The following FAM178B variants were observed in gnomAD, a reference collection of about 807,000 sequenced individuals.
FAM178B encodes the protein protein FAM178B.
A neutral mutation model predicts 91.7 loss-of-function variants in FAM178B; 82 were observed. The observed-to-expected ratio is 0.89, with a 90% CI of 0.75 to 1.07. FAM178B has a LOEUF of 1.07. Among genes scored for constraint, FAM178B ranks in the 50% least tolerant of loss-of-function variants. The probability of loss-of-function intolerance (pLI) is 0.00; values close to 1 mark genes in which losing one functional copy is unlikely to be tolerated. For missense variants in FAM178B, 769 were observed against 846.7 expected, an observed-to-expected ratio of 0.91 and a Z score of 1.14; for synonymous variants, 368 against 359.4, an observed-to-expected ratio of 1.02 and a Z score of -0.27.
intron 8 of FAM178B, chr2:96,939,194 C>A (rs1477106411): frequency 6.6e-6 from 1 of 151,412 alleles, no homozygotes; most frequent in Non-Finnish European, 1.5e-5. Context: ...CAGAGTGAGA[C>A]TCTGTCTCAA....
At chr2:96,936,049 T>C (rs1264494347) in intron 8 of FAM178B, among the ~76,000 whole-genome samples, 5 of 151,996 alleles carry the variant, frequency 3.3e-5, no homozygotes, top group African/African-American at 4.8e-5. Flanking sequence ...ATGTAAATAA[T>C]AGAGGAAACT....
intron 8 of FAM178B, among the ~76,000 whole-genome samples, chr2:96,946,530 T>A (rs1007581430): frequency 6.6e-6 from 1 of 152,208 alleles, no homozygotes; most frequent in Non-Finnish European, 1.5e-5. Context: ...GGCTGGGCTC[T>A]CAGGTAGTGG....
Position 96,929,183 on chromosome 2 carries a change from A to G in FAM178B, c.1193+23T>C, listed in dbSNP as rs1195817941. On this transcript the variant is annotated intron_variant, in intron 9 of 16. Coordinates refer to ENST00000490605, the MANE Select transcript of FAM178B (RefSeq NM_001122646.3). ...CTTAAAAAATATGAAAGAAAAAGGC[A>G]GTGAGGAAGCAGAAGTACTCACCTG... The G allele has an allele frequency of 1.7e-5, 25 of 1,453,952 alleles. No homozygotes were observed. The East Asian group carries it at 5.4e-4, about 32-fold the overall frequency. 90.1% of individuals were successfully genotyped at this position (1,453,952 alleles called of 1,614,324 possible).
At position 96,972,324 on chromosome 2, in the gene FAM178B, T is replaced by C; in HGVS notation, c.143-2A>G. 1 of 1,467,930 alleles carries C rather than the reference T, an allele frequency of 6.8e-7. No homozygotes were observed. Among genetic ancestry groups the C allele is most frequent in the Non-Finnish European group, 9.0e-7 (1 of 1,107,338 alleles). The allele number at this position is 1,467,930 out of a possible 1,614,324, so 90.9% of individuals were successfully genotyped here. On this transcript the variant is annotated splice_acceptor_variant, in intron 2 of 16. Coordinates refer to ENST00000490605, the MANE Select transcript of FAM178B (RefSeq NM_001122646.3). LOFTEE classifies it high-confidence loss of function. ...GCACGGTGGCGGCAGCCTGCACCCC[T>C]GCAGACAGGACAGAATACTGTGGTC...
At chr2:96,967,909 G>GTATTTTTTTT in intron 4 of FAM178B, among the ~76,000 whole-genome samples, 1 of 40,254 alleles carries the variant, frequency 2.5e-5, no homozygotes, top group Non-Finnish European at 1.0e-4. Flanking sequence ...ACCCTGTTTG[G>GTATTTTTTTT]TCTTTTTTTT....
chr2:96,926,542 C>T (rs2081442235), intron 9 of FAM178B, among the ~76,000 whole-genome samples: 1 of 152,160 alleles, frequency 6.6e-6, no homozygotes, highest in South Asian at 2.1e-4. Context: ...GGGCATGAGC[C>T]CCTCTGAGGA....
intron 13 of FAM178B, chr2:96,897,856 C>T: frequency 1.5e-6 from 1 of 650,034 alleles, no homozygotes; most frequent in Non-Finnish European, 1.9e-6. Flanking sequence ...CACTTCTGCG[C>T]AGAAGTCAAA....
At chr2:96,962,931 T>A (rs545106349) in intron 5 of FAM178B, among the ~76,000 whole-genome samples, 2 of 152,318 alleles carry the variant, frequency 1.3e-5, no homozygotes, top group South Asian at 4.1e-4. Context: ...AAGAGGCTGC[T>A]GGCTTTGTAC....
intron 6 of FAM178B, among the ~76,000 whole-genome samples, chr2:96,957,228 T>C (rs2082011972): frequency 6.6e-6 from 1 of 152,186 alleles, no homozygotes; most frequent in African/African-American, 2.4e-5. Context: ...AGGTTATTAT[T>C]GAATGACTGA....
chr2:96,935,790 C>T (rs927415053), intron 8 of FAM178B, among the ~76,000 whole-genome samples: 6 of 151,490 alleles, frequency 4.0e-5, no homozygotes, highest in South Asian at 4.1e-4. Context: ...TGCACCACCA[C>T]GCCTGGATAA....
chr2:96,955,940 C>T (rs2153374036), intron 6 of FAM178B, among the ~76,000 whole-genome samples: 1 of 152,340 alleles, frequency 6.6e-6, no homozygotes, highest in East Asian at 1.9e-4. Context: ...TGAGCCTCAT[C>T]CACCTCCTTC....
chr2:96,961,213 G>T (rs2082076022), intron 5 of FAM178B, among the ~76,000 whole-genome samples: 1 of 152,210 alleles, frequency 6.6e-6, no homozygotes, highest in South Asian at 2.1e-4. Flanking sequence ...GGGGAAAAGG[G>T]AGGCAGCGAA....
chr2:96,904,920 C>T (rs558046233), intron 12 of FAM178B, among the ~76,000 whole-genome samples: 3 of 152,018 alleles, frequency 2.0e-5, no homozygotes, highest in Admixed American at 1.3e-4. Flanking sequence ...CCTGCCATTA[C>T]GCCCAGCTAA....
chr2:96,917,888 T>C (rs2153370559), intron 12 of FAM178B, among the ~76,000 whole-genome samples: 1 of 152,194 alleles, frequency 6.6e-6, no homozygotes, highest in East Asian at 1.9e-4. Flanking sequence ...AAAATTGACG[T>C]TGGGTCCCCA....
rs766592912 is a variant in FAM178B at position 96,878,025 on chromosome 2, C to T, written c.1872G>A (p.Leu624=). 16 of 1,610,568 alleles carry T rather than the reference C, an allele frequency of 9.9e-6. No individual in the cohort carries two copies. Among genetic ancestry groups the T allele is most frequent in the Non-Finnish European group, 1.3e-5 (15 of 1,180,018 alleles). The change falls in exon 16 of 17, where the codon CTG becomes CTA. Residue 624 remains leucine (L), a synonymous_variant. Coordinates refer to ENST00000490605, the MANE Select transcript of FAM178B (RefSeq NM_001122646.3). ...TPDQWGELQL[L]CMQLDRHIST... is the part of the protein sequence containing the mutation. ...TGATGTGGCGGTCCAACTGCATGCA[C>T]AGCAGCTGCAGCTCGCCCTGTGGAG...
At chr2:96,878,362 G>T in intron 15 of FAM178B, 54 bp downstream of exon 15, 2 of 1,551,254 alleles carry the variant, frequency 1.3e-6, no homozygotes, top group Non-Finnish European at 1.8e-6. Context: ...GCCGCTTGGG[G>T]GAGAAGACAC....
At chr2:96,974,108 C>T (rs185400360) in intron 1 of FAM178B, among the ~76,000 whole-genome samples, 14 of 151,092 alleles carry the variant, frequency 9.3e-5, no homozygotes, top group African/African-American at 1.7e-4. Context: ...AGGGGCTGGG[C>T]GCAGTGGCTC....
intron 9 of FAM178B, among the ~76,000 whole-genome samples, chr2:96,924,410 G>C (rs1360055599): frequency 6.6e-6 from 1 of 152,220 alleles, no homozygotes; most frequent in Admixed American, 6.5e-5. Context: ...GATAAGACCT[G>C]CATGGCCAGT....
chr2:96,899,152 G>T (rs947621732), intron 13 of FAM178B, among the ~76,000 whole-genome samples: 1 of 152,228 alleles, frequency 6.6e-6, no homozygotes, highest in African/African-American at 2.4e-5. Context: ...CCATGGGCAG[G>T]CCCCTGCCAG....
Sources: gnomAD v4.1 joint callset for allele counts (sites outside exome capture counted in the v4.1 genomes callset) on GRCh38, gnomAD v4.1.1 for gene constraint, MANE v1.5 for transcripts, NCBI Gene and HGNC (gene_info 2026-07-23, HGNC 2026-07-21) for gene names.